Variants in ZNF385D observed in about 807,000 individuals in gnomAD.
ZNF385D encodes the protein zinc finger protein 659.
ZNF385D carries 15 observed loss-of-function variants against 35.8 expected under a neutral mutation model. The observed-to-expected ratio is 0.42, with a 90% confidence interval of 0.28 to 0.64. The LOEUF (loss-of-function observed/expected upper bound fraction) is 0.64. ZNF385D is among the 30% of genes least tolerant of loss of function. The pLI is 0.23. For synonymous variants in ZNF385D, 212 were observed against 186.8 expected (o/e 1.13, Z -1.10); for missense variants, 474 against 494.6 (o/e 0.96, Z 0.39).
At chr3:21,598,589 TAGA>T (rs2064191090) in intron 2 of ZNF385D, among the ~76,000 whole-genome samples, 1 of 152,166 alleles carries the variant, frequency 6.6e-6, no homozygotes, top group South Asian at 2.1e-4. Context: ...GACAAAAGGC[TAGA>T]GTCTCAAAAA....
chr3:21,936,294 T>C (rs957316180), intron 3 of ZNF385D, among the ~76,000 whole-genome samples: 1 of 152,104 alleles, frequency 6.6e-6, no homozygotes, highest in Non-Finnish European at 1.5e-5. Flanking sequence ...CTTTCAACAA[T>C]ATACATAAAG....
intron 1 of ZNF385D, among the ~76,000 whole-genome samples, chr3:21,688,151 T>A (rs56338808): frequency 3.3e-5 from 5 of 152,062 alleles, no homozygotes; most frequent in Non-Finnish European, 4.4e-5. Flanking sequence ...TTTCTTTTTT[T>A]AAAAAAACTA....
chr3:21,882,227 A>G (rs1698315097), intron 3 of ZNF385D, among the ~76,000 whole-genome samples: 1 of 151,984 alleles, frequency 6.6e-6, no homozygotes, highest in African/African-American at 2.4e-5. Context: ...GTGAAAAGAA[A>G]ATGCAGTAAA....
At chr3:21,566,255 A>G (rs899256008) in intron 2 of ZNF385D, among the ~76,000 whole-genome samples, 1 of 152,012 alleles carries the variant, frequency 6.6e-6, no homozygotes, top group African/African-American at 2.4e-5. Flanking sequence ...TTATTATCTA[A>G]CAAACATTAA....
chr3:22,303,938 C>T (rs755627815), intron 2 of ZNF385D, among the ~76,000 whole-genome samples: 39 of 152,088 alleles, frequency 2.6e-4, no homozygotes, highest in Non-Finnish European at 4.1e-4. Context: ...CCACCACGCC[C>T]GGCTAATTTT....
At chr3:21,444,684 G>T (rs918898337) in intron 4 of ZNF385D, among the ~76,000 whole-genome samples, 1 of 152,176 alleles carries the variant, frequency 6.6e-6, no homozygotes, top group African/African-American at 2.4e-5. Context: ...ACTGCGCCCA[G>T]CTGAATTTCC....
intron 3 of ZNF385D, among the ~76,000 whole-genome samples, chr3:22,047,487 G>A (rs771751718): frequency 5.9e-5 from 9 of 152,048 alleles, no homozygotes; most frequent in Non-Finnish European, 1.0e-4. Flanking sequence ...ATGTACGTAA[G>A]ATCATGTGGT....
intron 3 of ZNF385D, among the ~76,000 whole-genome samples, chr3:22,084,377 G>A (rs534972103): frequency 6.6e-6 from 1 of 152,128 alleles, no homozygotes; most frequent in Non-Finnish European, 1.5e-5. Context: ...TAAAGGGATG[G>A]AGGAAGATCT....
At chr3:22,049,684 ATTCT>A (rs1413461290) in intron 3 of ZNF385D, among the ~76,000 whole-genome samples, 1 of 152,158 alleles carries the variant, frequency 6.6e-6, no homozygotes, top group Non-Finnish European at 1.5e-5. Context: ...GTCGAAATAG[ATTCT>A]TTCTATACCT....
At chr3:22,022,426 T>C (rs1351626139) in intron 3 of ZNF385D, among the ~76,000 whole-genome samples, 2 of 152,120 alleles carry the variant, frequency 1.3e-5, no homozygotes, top group Non-Finnish European at 2.9e-5. Context: ...TTCTATGAAA[T>C]TTCTACTCTC....
intron 1 of ZNF385D, among the ~76,000 whole-genome samples, chr3:21,704,029 C>A (rs1189469673): frequency 6.6e-6 from 1 of 152,208 alleles, no homozygotes; most frequent in Non-Finnish European, 1.5e-5. Flanking sequence ...CAACCACAAC[C>A]ACTGAAAAGA....
chr3:22,242,200 A>T lies in ZNF385D; in HGVS notation c.107-73165T>A, dbSNP rs963008211. On this transcript the variant is annotated intron_variant, in intron 2 of 5. Coordinates refer to the ZNF385D transcript ENST00000494108. ...TGTAACTAACCTGCACAATGTGCACATGTACCCTAAAACTTAAAGTATAAT... is the reference window on the plus strand; with the variant it reads ...TGTAACTAACCTGCACAATGTGCACTTGTACCCTAAAACTTAAAGTATAAT... 1.3e-4 allele frequency among the ~76,000 whole-genome samples: 19 copies of T among 150,868 alleles called. 1 individual carries two copies. Among genetic ancestry groups the T allele is most frequent in the African/African-American group, 4.4e-4 (18 of 40,692 alleles).
chr3:22,177,072 A>G (rs1694881209), intron 2 of ZNF385D, among the ~76,000 whole-genome samples: 1 of 152,136 alleles, frequency 6.6e-6, no homozygotes, highest in Admixed American at 6.5e-5. Context: ...ATCTTCTTGA[A>G]TCAGTCATGC....
rs534250038 is a variant in ZNF385D, at chr3:21,465,153, C to T, written c.440-27950G>A. Reference sequence around the variant, plus strand: ...CATTTTTGTTAAATATTTCTTTGCACGTAAGTTTTCACTGTGCCCTTGAAC... The same window carrying T: ...CATTTTTGTTAAATATTTCTTTGCATGTAAGTTTTCACTGTGCCCTTGAAC... On this transcript the variant is annotated intron_variant, in intron 4 of 7. Coordinates refer to ENST00000281523, the MANE Select transcript of ZNF385D (RefSeq NM_024697.3). This position sits in a 1 kb window ranked among gnomAD's most constrained non-coding sequence, Gnocchi z 4.2. 3.3e-5 allele frequency among the ~76,000 whole-genome samples: 5 copies of T among 152,172 alleles called. No homozygotes were observed. The highest frequency in any genetic ancestry group is 7.2e-5 in the African/African-American group (3 of 41,530).
chr3:22,340,581 G>T (rs1347974542), intron 2 of ZNF385D, among the ~76,000 whole-genome samples: 2 of 152,132 alleles, frequency 1.3e-5, no homozygotes, highest in South Asian at 2.1e-4. Flanking sequence ...GGGACGTGGA[G>T]GTTGCAGTGA....
At chr3:21,636,184 A>G (rs976353016) in intron 2 of ZNF385D, among the ~76,000 whole-genome samples, 11 of 151,532 alleles carry the variant, frequency 7.3e-5, no homozygotes, top group African/African-American at 2.4e-4. Flanking sequence ...AGCAGCGTAG[A>G]AGTGTTCCAT....
At chr3:21,504,316 A>C (rs1187936228) in intron 4 of ZNF385D, among the ~76,000 whole-genome samples, 2 of 152,156 alleles carry the variant, frequency 1.3e-5, no homozygotes, top group African/African-American at 4.8e-5. Context: ...ACCTTTAATA[A>C]AACTTGCAAC....
chr3:21,665,130 G>GAA, intron 1 of ZNF385D, 102 bp from the exon 2 acceptor site: 1 of 1,397,934 alleles, frequency 7.2e-7, no homozygotes, highest in Non-Finnish European at 9.5e-7. Flanking sequence ...TGGGTCACTG[G>GAA]AAAAAACAAG....
chr3:22,015,413 G>T (rs539222085), intron 3 of ZNF385D, among the ~76,000 whole-genome samples: 2 of 152,022 alleles, frequency 1.3e-5, no homozygotes, highest in African/African-American at 2.4e-5. Context: ...AAATATCTAC[G>T]CTTTTCACAC....
Sources: gnomAD v4.1 joint callset for allele counts (sites outside exome capture counted in the v4.1 genomes callset) on GRCh38, gnomAD v4.1.1 for gene constraint, Gnocchi (gnomAD v3.1) non-coding constraint, MANE v1.5 for transcripts, NCBI Gene and HGNC (gene_info 2026-07-23, HGNC 2026-07-21) for gene names.